Variants in NR5A2 observed in about 807,000 individuals in gnomAD.
The protein encoded by NR5A2 is CYP7A promoter-binding factor.
In NR5A2, 26 loss-of-function variants were observed where a neutral mutation model predicts 62.7. That is an observed-to-expected ratio of 0.41 (90% CI 0.30 to 0.58). The LOEUF is 0.58. Among genes scored for constraint, NR5A2 ranks in the 20% least tolerant of loss-of-function variants. The probability of loss-of-function intolerance (pLI) is 0.22; values close to 1 mark genes in which losing one functional copy is unlikely to be tolerated. For synonymous variants in NR5A2, 246 were observed against 241.7 expected (o/e 1.02, Z -0.16); for missense variants, 541 against 669.1 (o/e 0.81, Z 2.11).
At chr1:200,068,501 G>C (rs1385319776) in intron 5 of NR5A2, among the ~76,000 whole-genome samples, 6 of 152,066 alleles carry the variant, frequency 3.9e-5, no homozygotes, top group African/African-American at 7.3e-5. Flanking sequence ...AGTTGAAAAG[G>C]CTTCTTGCCA....
chr1:200,168,886 C>T (rs1411793544), intron 7 of NR5A2, among the ~76,000 whole-genome samples: 1 of 152,188 alleles, frequency 6.6e-6, no homozygotes, highest in Non-Finnish European at 1.5e-5. Context: ...TACAGAAAAT[C>T]TATTTTCTTT....
chr1:200,097,607 A>C (rs1273272563), intron 5 of NR5A2, among the ~76,000 whole-genome samples: 1 of 152,212 alleles, frequency 6.6e-6, no homozygotes, highest in African/African-American at 2.4e-5. Context: ...ATATAAACCC[A>C]ATAGTTGTAG....
At chr1:200,159,156 G>A (rs778324851) in intron 7 of NR5A2, among the ~76,000 whole-genome samples, 17 of 152,010 alleles carry the variant, frequency 1.1e-4, no homozygotes, top group Non-Finnish European at 2.2e-4. Context: ...TTCCCAAAGT[G>A]CTAGGATTAC....
chr1:200,046,608 G>GGT (rs1048446177), intron 4 of NR5A2, among the ~76,000 whole-genome samples: 7 of 152,174 alleles, frequency 4.6e-5, no homozygotes, highest in Admixed American at 4.6e-4. Context: ...TCCGAACAGA[G>GGT]GTAGCCACTT....
At chr1:200,033,855 A>C (rs1661638836) in intron 1 of NR5A2, among the ~76,000 whole-genome samples, 1 of 152,156 alleles carries the variant, frequency 6.6e-6, no homozygotes, top group East Asian at 1.9e-4. Context: ...TTGCCTTTCC[A>C]AGCTCCCACT....
In NR5A2 at chr1:200,074,756, A is replaced by AAAAAAAAAC. The variant is rs1304164782; in HGVS notation, c.1110+25938_1110+25939insAAAAAAAAC. 2.9e-5 allele frequency among the ~76,000 whole-genome samples: 4 copies of AAAAAAAAAC among 137,690 alleles called. 1 individual carries two copies. The highest frequency in any genetic ancestry group is 1.1e-4 in the African/African-American group (4 of 37,362). The allele number at this position is 137,690 out of a possible 152,430, so 90.3% of individuals were successfully genotyped here. On this transcript the variant is annotated intron_variant, in intron 5 of 7. Transcript: ENST00000367362. ...CATCTCAAAAAAAAAAAAAAAAAAAACACGAGAGAAACACAAATCTCAAAC... is the reference window on the plus strand; with the variant it reads ...CATCTCAAAAAAAAAAAAAAAAAAAAAAAAAAAACCACGAGAGAAACACAAATCTCAAAC...
In NR5A2 at chr1:200,039,008, C is replaced by T. The variant is rs1661917017; in HGVS notation, c.65-650C>T. Among the ~76,000 whole-genome samples, 1 of 151,992 alleles carries T rather than the reference C, an allele frequency of 6.6e-6. No homozygotes were observed. Among genetic ancestry groups the T allele is most frequent in the South Asian group, 2.1e-4 (1 of 4,812 alleles). On this transcript the variant is annotated intron_variant, in intron 1 of 7. Transcript: ENST00000367362. The surrounding 1 kb of genome is among the most constrained non-coding windows in gnomAD (Gnocchi z 5.1). The stretch of plus-strand genomic sequence containing the variant: ...CTACTTACCTCCTTCTCCCCCTCGT[C>T]TTCCCCCCTGTCCTTCCCAGCACCG...
At chr1:200,097,682 T>A (rs1665162546) in intron 5 of NR5A2, among the ~76,000 whole-genome samples, 2 of 152,210 alleles carry the variant, frequency 1.3e-5, no homozygotes, top group African/African-American at 4.8e-5. Context: ...GGGATTGTCT[T>A]GGGACTGACC....
At chr1:200,128,321 G>T (rs1666818046) in intron 7 of NR5A2, among the ~76,000 whole-genome samples, 1 of 152,186 alleles carries the variant, frequency 6.6e-6, no homozygotes, top group Non-Finnish European at 1.5e-5. Context: ...AGGGTCAACT[G>T]GATATTGTCA....
intron 5 of NR5A2, among the ~76,000 whole-genome samples, chr1:200,065,141 T>C (rs1663408980): frequency 6.6e-6 from 1 of 151,778 alleles, no homozygotes; most frequent in Admixed American, 6.6e-5. Flanking sequence ...TTTTCTTTTT[T>C]AGTTTTAATT....
At chr1:200,096,686 A>T (rs184066156) in intron 5 of NR5A2, among the ~76,000 whole-genome samples, 8 of 152,342 alleles carry the variant, frequency 5.3e-5, no homozygotes, top group African/African-American at 1.7e-4. Context: ...CACACAGTAC[A>T]TCGTGCACAG....
intron 5 of NR5A2, among the ~76,000 whole-genome samples, chr1:200,104,180 C>T (rs1189088739): frequency 6.6e-6 from 1 of 152,112 alleles, no homozygotes; most frequent in Non-Finnish European, 1.5e-5. Flanking sequence ...TTGGAATCAC[C>T]CCCAGTTATC....
intron 7 of NR5A2, among the ~76,000 whole-genome samples, chr1:200,137,770 A>G (rs1667290799): frequency 6.6e-6 from 1 of 152,200 alleles, no homozygotes; most frequent in Non-Finnish European, 1.5e-5. Flanking sequence ...TTTAGTAATT[A>G]GCAATTTCTT....
At chr1:200,098,537 G>A (rs539309086) in intron 5 of NR5A2, among the ~76,000 whole-genome samples, 2 of 152,244 alleles carry the variant, frequency 1.3e-5, no homozygotes, top group Non-Finnish European at 2.9e-5. Flanking sequence ...TAGTGAAAGA[G>A]CACTGGGCTT....
At chr1:200,143,839 C>T (rs971515432) in intron 7 of NR5A2, among the ~76,000 whole-genome samples, 19 of 151,800 alleles carry the variant, frequency 1.3e-4, no homozygotes, top group Non-Finnish European at 2.6e-4. Flanking sequence ...ACAGTTTTCA[C>T]CATGTTGGTC....
Position 200,038,622 on chromosome 1 carries a change from C to T in NR5A2, c.65-1036C>T, listed in dbSNP as rs1661893650. The T allele has an allele frequency of 5.2e-6, 5 of 964,928 alleles. No homozygotes were observed. In the Admixed American group the frequency reaches 1.0e-4, roughly 20 times the overall value. The allele number at this position is 964,928 out of a possible 1,614,324, so 59.8% of individuals were successfully genotyped here. A position where few individuals can be genotyped will look rare whatever the true frequency, so the allele number is the denominator to read the frequency against. On this transcript the variant is annotated intron_variant, in intron 1 of 7. Transcript: ENST00000367362. ...AATGGTTTAAGTGGGTGTTTAACTC[C>T]CTTCATCTCCTCATCCGACACACTA...
At chr1:200,137,320 T>A (rs1474235454) in intron 7 of NR5A2, among the ~76,000 whole-genome samples, 1 of 142,930 alleles carries the variant, frequency 7.0e-6, no homozygotes, top group Non-Finnish European at 1.5e-5. Context: ...CTGGCTAATT[T>A]TTTTTTTTTT....
chr1:200,053,319 G>A (rs1225301382), intron 5 of NR5A2, among the ~76,000 whole-genome samples: 1 of 152,060 alleles, frequency 6.6e-6, no homozygotes, highest in Non-Finnish European at 1.5e-5. Context: ...GAAACTTGTA[G>A]CTTTTGCAAC....
chr1:200,091,417 C>G (rs1425558432), intron 5 of NR5A2, among the ~76,000 whole-genome samples: 1 of 151,850 alleles, frequency 6.6e-6, no homozygotes, highest in Non-Finnish European at 1.5e-5. Flanking sequence ...ATCTGCTGGC[C>G]ACTGGTGGAG....
Sources: gnomAD v4.1 joint callset for allele counts (sites outside exome capture counted in the v4.1 genomes callset) on GRCh38, gnomAD v4.1.1 for gene constraint, Gnocchi (gnomAD v3.1) non-coding constraint, MANE v1.5 for transcripts, NCBI Gene and HGNC (gene_info 2026-07-23, HGNC 2026-07-21) for gene names.